The following FMR1 variants were observed in gnomAD, a reference collection of about 807,000 sequenced individuals.
FMR1 encodes FMRP translational regulator 1.
In FMR1, 13 loss-of-function variants were observed where a neutral mutation model predicts 50.6. The observed-to-expected ratio is 0.26, with a 90% confidence interval of 0.17 to 0.41. FMR1 has a LOEUF of 0.41. Ranked by LOEUF, FMR1 falls within the 10% of genes least tolerant of loss-of-function variation. FMR1 has a pLI of 1.00. For missense variants in FMR1, 316 were observed against 491.3 expected (o/e 0.64, Z 3.37); for synonymous variants, 138 against 164.1 (o/e 0.84, Z 1.22).
intron 13 of FMR1, among the ~76,000 whole-genome samples, chrX:147,942,167 C>G (rs782450930): frequency 6.2e-5 from 7 of 112,438 alleles, no homozygotes; most frequent in Middle Eastern, 4.7e-3. Context: ...GCTGCCACAA[C>G]CAAGATTTTA....
At chrX:147,940,702 C>T (rs1430251969) in intron 13 of FMR1, 40 bp downstream of exon 13, 1 of 888,628 alleles carries the variant, frequency 1.1e-6, no homozygotes, top group Non-Finnish European at 1.7e-6. Flanking sequence ...TCCTTTTGTA[C>T]TAAAATATAC....
intron 14 of FMR1, 40 bp from the exon 15 acceptor site, chrX:147,944,829 T>TTTTTTC: frequency 8.6e-7 from 1 of 1,164,662 alleles, no homozygotes; most frequent in Non-Finnish European, 1.1e-6. Flanking sequence ...TTTTTTTTTT[T>TTTTTTC]AAAGTCAGAC....
chrX:147,926,402 A>G (rs2043389810), intron 3 of FMR1, among the ~76,000 whole-genome samples: 1 of 111,743 alleles, frequency 8.9e-6, no homozygotes, highest in South Asian at 3.8e-4. Flanking sequence ...CGTTCCATGA[A>G]TATTTGTAGT....
chrX:147,918,896 G>A (rs895624612), intron 1 of FMR1, among the ~76,000 whole-genome samples: 1 of 110,745 alleles, frequency 9.0e-6, no homozygotes, highest in Non-Finnish European at 1.9e-5. Context: ...TAATTTTAAT[G>A]TAAGTAGTCG....
chrX:147,915,810 G>A (rs1461083205), intron 1 of FMR1, among the ~76,000 whole-genome samples: 1 of 111,663 alleles, frequency 9.0e-6, no homozygotes, highest in East Asian at 2.8e-4. Flanking sequence ...ATGATGCACA[G>A]AGAGGTTAGG....
chrX:147,929,144 C>T (rs782391474), intron 5 of FMR1, among the ~76,000 whole-genome samples: 1 of 111,808 alleles, frequency 8.9e-6, no homozygotes, highest in East Asian at 2.8e-4. Context: ...AAGTCACAAA[C>T]TATAAACGAT....
In FMR1 at chrX:147,928,819, C is replaced by G; in HGVS notation, c.419+12C>G. Reference sequence around the variant, plus strand: ...GACTTACGGCAAATGTAAGTTGATACACAAGAAATGCTGAGAACTTGGAAG... The same window carrying G: ...GACTTACGGCAAATGTAAGTTGATAGACAAGAAATGCTGAGAACTTGGAAG... On this transcript the variant is annotated intron_variant, in intron 5 of 16. Transcript: ENST00000370475. 1 of 1,202,848 alleles carries G rather than the reference C, an allele frequency of 8.3e-7. No individual in the cohort carries two copies. Among genetic ancestry groups the G allele is most frequent in the Non-Finnish European group, 1.1e-6 (1 of 887,882 alleles).
At chrX:147,945,108 C>T (rs1603038406) in intron 15 of FMR1, 57 bp downstream of exon 15, 1 of 1,156,505 alleles carries the variant, frequency 8.6e-7, no homozygotes, top group Non-Finnish European at 1.2e-6. Context: ...CTTGAAGTTC[C>T]ATGAGAAATC....
In FMR1 at chrX:147,928,713, A is replaced by G; in HGVS notation, c.325A>G (p.Ile109Val). Residue 109 changes from isoleucine to valine, a missense_variant, in exon 5 of 17, where the codon ATT becomes GTT. Physicochemically the swap from Ile to Val is conservative, Grantham distance 29. This residue lies in a region of FMR1 where 124 missense variants were observed against 238.1 expected (regional missense o/e 0.52). Transcript: ENST00000370475. ...TGCAACTTACAATGAAATTGTCACA[A>G]TTGAACGTCTAAGATCTGTTAATCC... ...CDATYNEIVTIERLRSVNPNK... is the reference protein window; with the variant it reads ...CDATYNEIVTVERLRSVNPNK... The G allele has an allele frequency of 8.3e-7, 1 of 1,205,255 alleles. No homozygotes were observed. The highest frequency in any genetic ancestry group is 1.1e-6 in the Non-Finnish European group (1 of 889,639).
rs782232249 is a variant in FMR1, at chrX:147,932,394, G to A, written c.631-31G>A. The A allele has an allele frequency of 1.0e-5, 12 of 1,178,803 alleles. No homozygotes were observed. The South Asian group carries it at 2.0e-4, about 19-fold the overall frequency. On this transcript the variant is annotated intron_variant, in intron 7 of 16. Transcript: ENST00000370475. Reference sequence around the variant, plus strand: ...TACAGTTGTCGTAATAGTTGATAAAGTGTATTCATCAGACGTCCATTTCTC... The same window carrying A: ...TACAGTTGTCGTAATAGTTGATAAAATGTATTCATCAGACGTCCATTTCTC...
intron 15 of FMR1, 114 bp downstream of exon 15, chrX:147,945,165 G>C (rs1286724140): frequency 9.4e-7 from 1 of 1,063,373 alleles, no homozygotes; most frequent in Admixed American, 2.6e-5. Flanking sequence ...CTCCCGTTTT[G>C]TGCTGATACC....
intron 13 of FMR1, among the ~76,000 whole-genome samples, chrX:147,941,899 G>C (rs894707866): frequency 8.9e-6 from 1 of 112,433 alleles, no homozygotes; most frequent in African/African-American, 3.2e-5. Context: ...AACTTCCCTC[G>C]TTTGGGCCTG....
At chrX:147,920,328 C>T in intron 1 of FMR1, among the ~76,000 whole-genome samples, 1 of 111,971 alleles carries the variant, frequency 8.9e-6, no homozygotes, top group Non-Finnish European at 1.9e-5. Flanking sequence ...TTTATTATTT[C>T]TGCCACAACC....
intron 1 of FMR1, chrX:147,913,232 A>G (rs2042681248): frequency 8.9e-6 from 1 of 112,318 alleles, no homozygotes; most frequent in Non-Finnish European, 1.9e-5. Flanking sequence ...TCATGGGTTT[A>G]CTGTGCTTTT....
rs1389894907 is a variant in FMR1 at position 147,944,741 on chromosome X, C to T, written c.1472-128C>T. 4.6e-6 allele frequency: 5 copies of T among 1,078,141 alleles called. No individual in the cohort carries two copies. In the Admixed American group the frequency reaches 1.2e-4, roughly 26 times the overall value. The allele number at this position is 1,078,141 out of a possible 1,213,427, so 88.9% of individuals were successfully genotyped here. ...TTTTATGAAATGGAAAGTGATAATA[C>T]TCTTTGTGGGCTTATAAATTGGGAA... On this transcript the variant is annotated intron_variant, in intron 14 of 16. Coordinates refer to ENST00000370475, the MANE Select transcript of FMR1 (RefSeq NM_002024.6).
chrX:147,949,883 T>C lies in FMR1; in HGVS notation c.*1039T>C, dbSNP rs1925993061. 1 of 325,074 alleles carries C rather than the reference T, an allele frequency of 3.1e-6. No individual in the cohort carries two copies. The highest frequency in any genetic ancestry group is 5.9e-6 in the Non-Finnish European group (1 of 169,025). The allele number at this position is 325,074 out of a possible 1,213,427, so 26.8% of individuals were successfully genotyped here. ...GAGATAGGAAGGTCATTTCCATGTA[T>C]GCATAATAATCCTGCAAAGTACAGG... On this transcript the variant is annotated 3_prime_UTR_variant, in exon 17 of 17. Coordinates refer to ENST00000370475, the MANE Select transcript of FMR1 (RefSeq NM_002024.6).
chrX:147,938,288 G>T (rs1159209336), intron 12 of FMR1, 127 bp downstream of exon 12: 5 of 574,265 alleles, frequency 8.7e-6, no homozygotes, highest in Admixed American at 4.9e-5. Flanking sequence ...TGGGTATGTG[G>T]ATCCATTGCC....
Position 147,944,901 on chromosome X carries a change from A to G in FMR1, c.1504A>G (p.Thr502Ala), listed in dbSNP as rs782664432. Residue 502 changes from threonine to alanine, a missense_variant, in exon 15 of 17, where the codon ACA (threonine) becomes GCA (alanine). Thr to Ala is a moderately conservative substitution (Grantham distance 58). Transcript: ENST00000370475. Reference protein sequence around the residue: ...TNSEASNASETESDHRDELSD... With the variant: ...TNSEASNASEAESDHRDELSD... Reference sequence around the variant, plus strand: ...TTCTGAAGCATCAAATGCTTCTGAAACAGAATCTGACCACAGAGACGAACT... The same window carrying G: ...TTCTGAAGCATCAAATGCTTCTGAAGCAGAATCTGACCACAGAGACGAACT... 1.7e-6 allele frequency: 2 copies of G among 1,209,516 alleles called. No individual in the cohort carries two copies. The highest frequency in any genetic ancestry group is 2.2e-5 in the Admixed American group (1 of 45,818).
intron 10 of FMR1, 80 bp downstream of exon 10, chrX:147,936,693 A>G (rs1398836056): frequency 1.7e-6 from 1 of 578,869 alleles, no homozygotes; most frequent in Non-Finnish European, 3.0e-6. Context: ...GACCTCTAAT[A>G]TGTGCATAAA....
Sources: allele counts gnomAD v4.1 joint callset (sites outside exome capture counted in the v4.1 genomes callset), GRCh38; gene constraint gnomAD v4.1.1; regional missense constraint gnomAD v4.1.1; transcripts MANE v1.5; gene names NCBI Gene and HGNC (gene_info 2026-07-23, HGNC 2026-07-21).